Variants in HECW1 observed in about 807,000 individuals in gnomAD.
HECW1 encodes HECT, C2 and WW domain containing E3 ubiquitin protein ligase 1.
HECW1 carries 61 observed loss-of-function variants against 182.3 expected under a neutral mutation model. The ratio of observed to expected loss-of-function variants is 0.33; its 90% CI spans 0.27 to 0.41. The LOEUF is 0.41. HECW1 is among the 10% of genes least tolerant of loss of function. HECW1 has a pLI of 1.00. For missense variants in HECW1, 1,739 were observed against 2,108.9 expected (o/e 0.82, Z 3.44); for synonymous variants, 859 against 832.6 (o/e 1.03, Z -0.55).
In HECW1 at chr7:43,179,556, T is replaced by C. The variant is rs562013241; in HGVS notation, c.-31-64319T>C. Among the ~76,000 whole-genome samples the C allele has an allele frequency of 5.8e-3, 850 of 145,426 alleles. 1 individual carries two copies. Among genetic ancestry groups the C allele is most frequent in the Non-Finnish European group, 0.01 (672 of 66,344 alleles). ...GGGAGAATTGTATATTTGCTAAGTT[T>C]GTTGTTGTTGTTGTTGTTGTTGTTG... On this transcript the variant is annotated intron_variant, in intron 2 of 29. Transcript: ENST00000395891.
chr7:43,519,304 G>C (rs190543792), intron 24 of HECW1, among the ~76,000 whole-genome samples: 1 of 151,992 alleles, frequency 6.6e-6, no homozygotes, highest in Admixed American at 6.5e-5. Context: ...GGAGTGCAAT[G>C]GCACGATCTT....
At chr7:43,537,083 A>G (rs566883510) in intron 24 of HECW1, among the ~76,000 whole-genome samples, 12 of 152,218 alleles carry the variant, frequency 7.9e-5, no homozygotes, top group African/African-American at 2.6e-4. Flanking sequence ...GCAGTGCTAC[A>G]CCCCAGGAGC....
At chr7:43,292,472 A>G (rs1196057548) in intron 3 of HECW1, among the ~76,000 whole-genome samples, 2 of 152,244 alleles carry the variant, frequency 1.3e-5, no homozygotes, top group Non-Finnish European at 2.9e-5. Flanking sequence ...CTGAAGCCCA[A>G]CTAATACCCA....
At chr7:43,315,458 T>C (rs1242367425) in intron 4 of HECW1, among the ~76,000 whole-genome samples, 2 of 92,438 alleles carry the variant, frequency 2.2e-5, no homozygotes, top group African/African-American at 2.6e-4. Flanking sequence ...CCCGTCCCAT[T>C]ATTATTGTTA....
chr7:43,449,644 C>T (rs1030720170), intron 11 of HECW1, among the ~76,000 whole-genome samples: 2 of 152,220 alleles, frequency 1.3e-5, no homozygotes, highest in Non-Finnish European at 2.9e-5. Context: ...TTTTCAGTCT[C>T]TCTCCTTTTT....
chr7:43,178,896 T>G (rs542506267), intron 2 of HECW1, among the ~76,000 whole-genome samples: 67 of 152,320 alleles, frequency 4.4e-4, no homozygotes, highest in African/African-American at 1.5e-3. Flanking sequence ...AAAGCTCAAT[T>G]GCAAAAGCAG....
intron 29 of HECW1, among the ~76,000 whole-genome samples, chr7:43,557,329 G>A (rs2082061509): frequency 6.6e-6 from 1 of 152,166 alleles, no homozygotes; most frequent in Admixed American, 6.5e-5. Context: ...GAAAGGAAAG[G>A]CAACTGGCTT....
chr7:43,299,786 A>G (rs749881017), intron 3 of HECW1, among the ~76,000 whole-genome samples: 1 of 152,248 alleles, frequency 6.6e-6, no homozygotes, highest in Non-Finnish European at 1.5e-5. Context: ...CCCAGCCCAC[A>G]TCACAGAGTC....
At chr7:43,422,256 C>CACTG (rs1342050966) in intron 8 of HECW1, among the ~76,000 whole-genome samples, 1 of 152,124 alleles carries the variant, frequency 6.6e-6, no homozygotes, top group Non-Finnish European at 1.5e-5. Flanking sequence ...TTACCCAAAC[C>CACTG]ACTGCCAGAC....
chr7:43,141,793 C>T (rs948785438), intron 2 of HECW1, among the ~76,000 whole-genome samples: 9 of 152,162 alleles, frequency 5.9e-5, no homozygotes, highest in Non-Finnish European at 1.2e-4. Context: ...CCACCGCACC[C>T]GGTGAGATAT....
In HECW1 at chr7:43,369,347, A is replaced by T. The variant is rs556215693; in HGVS notation, c.555+8367A>T. Among the ~76,000 whole-genome samples, 8 of 152,218 alleles carry T rather than the reference A, an allele frequency of 5.3e-5. No individual in the cohort carries two copies. The East Asian group carries it at 1.5e-3, about 29-fold the overall frequency. Reference sequence around the variant, plus strand: ...GTGGCACATGCCTGTAATCCCAGCTACTCGGGAGGCTGAGGCAAGAGAATC... The same window carrying T: ...GTGGCACATGCCTGTAATCCCAGCTTCTCGGGAGGCTGAGGCAAGAGAATC... On this transcript the variant is annotated intron_variant, in intron 6 of 29. Transcript: ENST00000395891.
chr7:43,492,164 T>A lies in HECW1; in HGVS notation c.3324T>A (p.His1108Gln), dbSNP rs762465599. Residue 1108 changes from histidine to glutamine, a missense_variant, in exon 18 of 30, where the codon CAT becomes CAA. Physicochemically the swap from His to Gln is conservative, Grantham distance 24. Coordinates refer to ENST00000395891, the MANE Select transcript of HECW1 (RefSeq NM_015052.5). ...LVAAIRSQHQ[H>Q]ESLPLAYNDK... ...CTGCTATTCGAAGCCAACATCAACA[T>A]GAGTCATTGCCACTGGGTATGTATC... 6.2e-7 allele frequency: 1 copy of A among 1,602,092 alleles called. No individual in the cohort carries two copies. Among genetic ancestry groups the A allele is most frequent in the South Asian group, 1.1e-5 (1 of 88,482 alleles).
intron 2 of HECW1, among the ~76,000 whole-genome samples, chr7:43,135,974 T>G (rs1482021138): frequency 7.8e-6 from 1 of 127,746 alleles, no homozygotes; most frequent in East Asian, 2.2e-4. Flanking sequence ...TAGATACCAT[T>G]TACACTTTTT....
chr7:43,315,427 A>AAGT (rs1809089951), intron 4 of HECW1, among the ~76,000 whole-genome samples: 1 of 151,724 alleles, frequency 6.6e-6, no homozygotes, highest in Non-Finnish European at 1.5e-5. Flanking sequence ...TAAGAAAGAC[A>AAGT]AGTAGATTCT....
chr7:43,355,250 C>G (rs1457566758), intron 5 of HECW1, among the ~76,000 whole-genome samples: 1 of 152,110 alleles, frequency 6.6e-6, no homozygotes, highest in Non-Finnish European at 1.5e-5. Flanking sequence ...ATAAAATCCA[C>G]TAGTAAAATT....
chr7:43,538,636 T>C (rs2081261825), intron 24 of HECW1, among the ~76,000 whole-genome samples: 1 of 152,106 alleles, frequency 6.6e-6, no homozygotes, highest in African/African-American at 2.4e-5. Flanking sequence ...TGTGGGTCAG[T>C]TTCCTCGCTG....
chr7:43,363,177 C>T (rs1033007127), intron 6 of HECW1, among the ~76,000 whole-genome samples: 1 of 152,092 alleles, frequency 6.6e-6, no homozygotes, highest in African/African-American at 2.4e-5. Context: ...GGCCAACTGC[C>T]CAGAAAATGG....
chr7:43,370,410 A>G (rs745432529), intron 6 of HECW1, among the ~76,000 whole-genome samples: 5 of 152,236 alleles, frequency 3.3e-5, no homozygotes, highest in Non-Finnish European at 7.3e-5. Context: ...TGGAAATGCA[A>G]AATGGTACAG....
chr7:43,558,752 A>G (rs970253958), intron 29 of HECW1, among the ~76,000 whole-genome samples: 3 of 152,148 alleles, frequency 2.0e-5, no homozygotes, highest in Non-Finnish European at 2.9e-5. Flanking sequence ...GGAGCTCAGC[A>G]GAGAAAATGG....
Sources: gnomAD v4.1 joint callset for allele counts (sites outside exome capture counted in the v4.1 genomes callset) on GRCh38, gnomAD v4.1.1 for gene constraint, MANE v1.5 for transcripts, NCBI Gene and HGNC (gene_info 2026-07-23, HGNC 2026-07-21) for gene names.